The following MED16 variants were observed in gnomAD, a reference collection of about 807,000 sequenced individuals.
MED16 encodes the protein mediator complex subunit 16.
In MED16, 81 loss-of-function variants were observed where a neutral mutation model predicts 84.4. That is an observed-to-expected ratio of 0.96 (90% CI 0.80 to 1.15). The LOEUF (loss-of-function observed/expected upper bound fraction) is 1.15. MED16 is among the 50% of genes most tolerant of loss of function. The pLI, the probability that MED16 is intolerant of heterozygous loss-of-function variation, is 0.00. For missense variants in MED16, 1,585 were observed against 1,245.9 expected (o/e 1.27, Z -4.10); for synonymous variants, 897 against 552.2 (o/e 1.62, Z -8.76).
intron 12 of MED16, chr19:871,538 G>C: frequency 6.3e-7 from 1 of 1,578,254 alleles, no homozygotes; most frequent in Non-Finnish European, 8.5e-7. Context: ...ACACTGGGAT[G>C]TAAGAATGAC....
rs778530858 is a variant in MED16, at chr19:868,931, G to A, written c.2331C>T (p.Pro777=). ...GCAGCCTCCGCAGGTGGTCGATCTT[G>A]GGCTGGCCTGGGGCCCTGGCGGGAG... ...LDGLARAPGQ[P]KIDHLRRLHL... is the part of the protein sequence containing the mutation. Residue 777 remains proline (P), a synonymous_variant, in exon 14 of 16, where the codon CCC becomes CCT. Transcript: ENST00000325464. The A allele has an allele frequency of 5.2e-6, 8 of 1,544,224 alleles. No homozygotes were observed. The highest frequency in any genetic ancestry group is 6.9e-6 in the Non-Finnish European group (8 of 1,151,356).
At chr19:877,587 G>A (rs930251861) in intron 8 of MED16, among the ~76,000 whole-genome samples, 18 of 152,064 alleles carry the variant, frequency 1.2e-4, no homozygotes, top group Non-Finnish European at 2.1e-4. Flanking sequence ...AGGGGCTGGC[G>A]AGGGGCTTGC....
intron 8 of MED16, among the ~76,000 whole-genome samples, chr19:877,549 C>A (rs568942055): frequency 1.4e-4 from 21 of 151,522 alleles, no homozygotes; most frequent in Non-Finnish European, 2.7e-4. Flanking sequence ...ACAAGACGAA[C>A]CCATCACACA....
intron 4 of MED16, 85 bp downstream of exon 4, chr19:889,553 G>C: frequency 6.7e-7 from 1 of 1,496,620 alleles, no homozygotes; most frequent in East Asian, 2.3e-5. Context: ...GGGGATGCTG[G>C]TGATGGAGAG....
chr19:880,950 G>C (rs1011270729), intron 7 of MED16, among the ~76,000 whole-genome samples: 2 of 151,542 alleles, frequency 1.3e-5, no homozygotes, highest in East Asian at 3.9e-4. Flanking sequence ...AAAAAAAATA[G>C]AGCCTGGAAA....
At chr19:877,462 G>A (rs781477444) in intron 8 of MED16, among the ~76,000 whole-genome samples, 3 of 151,020 alleles carry the variant, frequency 2.0e-5, no homozygotes, top group African/African-American at 7.3e-5. Flanking sequence ...TCTACCCCGT[G>A]AAAGGCGGTC....
intron 7 of MED16, 35 bp downstream of exon 7, chr19:881,524 G>A (rs375647224): frequency 1.1e-5 from 17 of 1,589,540 alleles, no homozygotes; most frequent in African/African-American, 2.7e-5. Context: ...GGTGTGAACT[G>A]AGGCCCCGCG....
At position 885,851 on chromosome 19, in the gene MED16, G is replaced by C. The variant is rs201101329; in HGVS notation, c.798C>G (p.Arg266=). ...DTEILPSLFM[R]CTTDLNRKDK... ...CCTTGCGGTTGAGGTCGGTGGTGCAGCGCATGAACAGGGAGGGCAGGATCT... is the reference window on the plus strand; with the variant it reads ...CCTTGCGGTTGAGGTCGGTGGTGCACCGCATGAACAGGGAGGGCAGGATCT... The change falls in exon 5 of 16, where the codon CGC becomes CGG. Residue 266 remains arginine, a synonymous_variant. Coordinates refer to ENST00000325464, the MANE Select transcript of MED16 (RefSeq NM_005481.3). 106 of 1,613,822 alleles carry C rather than the reference G, an allele frequency of 6.6e-5. No homozygotes were observed. The East Asian group carries it at 2.1e-3, about 31-fold the overall frequency.
chr19:886,835 G>C (rs192692625), intron 4 of MED16, among the ~76,000 whole-genome samples: 3 of 152,176 alleles, frequency 2.0e-5, no homozygotes, highest in Non-Finnish European at 4.4e-5. Flanking sequence ...CAGCACTTTG[G>C]GGGGCTGAGG....
At chr19:876,269 G>A (rs2036226846) in intron 9 of MED16, among the ~76,000 whole-genome samples, 4 of 152,128 alleles carry the variant, frequency 2.6e-5, no homozygotes, top group Non-Finnish European at 5.9e-5. Context: ...AGGACACTCT[G>A]GGATTGCAGG....
chr19:870,387 C>A (rs959099442), intron 13 of MED16, among the ~76,000 whole-genome samples: 2 of 152,000 alleles, frequency 1.3e-5, no homozygotes, highest in African/African-American at 4.8e-5. Context: ...ATTGCAAAAC[C>A]GCCTCTATAC....
In MED16 at chr19:871,767, C is replaced by T. The variant is rs146998459; in HGVS notation, c.2098+159G>A. The T allele has an allele frequency of 1.3e-3, 212 of 165,996 alleles. 3 individuals are homozygous for T. Among genetic ancestry groups the T allele is most frequent in the African/African-American group, 0.013 (165 of 12,936 alleles). The allele number at this position is 165,996 out of a possible 1,614,324, so 10.3% of individuals were successfully genotyped here. A position where few individuals can be genotyped will look rare whatever the true frequency, so the allele number is the denominator to read the frequency against. Reference sequence around the variant, plus strand: ...TTGTGTTTTGGTAGGGAGAGGGGAGCGGGGAGAGGGGAGAGGGGAGAGCGG... The same window carrying T: ...TTGTGTTTTGGTAGGGAGAGGGGAGTGGGGAGAGGGGAGAGGGGAGAGCGG... On this transcript the variant is annotated intron_variant, in intron 12 of 15. Transcript: ENST00000325464.
At chr19:884,157 C>T (rs1164300042) in intron 6 of MED16, among the ~76,000 whole-genome samples, 1 of 152,184 alleles carries the variant, frequency 6.6e-6, no homozygotes, top group East Asian at 1.9e-4. Flanking sequence ...TCGGCAAATG[C>T]CTGTGCTCTC....
At chr19:879,792 C>CCTT in intron 8 of MED16, 145 bp downstream of exon 8, 1 of 1,037,732 alleles carries the variant, frequency 9.6e-7, no homozygotes, top group South Asian at 1.6e-5. Flanking sequence ...CAGCAGCTCG[C>CCTT]CTTCCCCTGG....
intron 1 of MED16, 124 bp from the exon 2 acceptor site, chr19:891,273 C>A: frequency 1.0e-6 from 1 of 955,852 alleles, no homozygotes; most frequent in South Asian, 1.7e-5. Flanking sequence ...TGCAAAGGCC[C>A]GGAGGCCAGA....
Position 891,101 on chromosome 19 carries a change from C to T in MED16, c.31G>A (p.Gly11Arg), listed in dbSNP as rs773289459. 3.7e-6 allele frequency: 6 copies of T among 1,613,702 alleles called. No homozygotes were observed. Among genetic ancestry groups the T allele is most frequent in the South Asian group, 3.3e-5 (3 of 91,074 alleles). The change falls in exon 2 of 16, where the codon GGG (glycine) becomes AGG (arginine). Residue 11 changes from glycine to arginine, a missense_variant. Gly to Arg is a moderately radical substitution (Grantham distance 125). Transcript: ENST00000325464. MCDLRRPAAGGMMDLAYVCEW... is the reference protein window; with the variant it reads MCDLRRPAAGRMMDLAYVCEW... ...CAGACGTAGGCCAAGTCCATCATCC[C>T]ACCTGCCGCTGGCCGCCGCAAATCA...
chr19:880,432 G>A (rs1237565330), intron 7 of MED16, among the ~76,000 whole-genome samples: 2 of 152,222 alleles, frequency 1.3e-5, no homozygotes, highest in Admixed American at 1.3e-4. Context: ...CCCTCAAGGA[G>A]CGCAGGGGAG....
At chr19:889,376 C>CT (rs2036588421) in intron 4 of MED16, among the ~76,000 whole-genome samples, 1 of 152,170 alleles carries the variant, frequency 6.6e-6, no homozygotes, top group African/African-American at 2.4e-5. Flanking sequence ...AACGGCCACC[C>CT]TCAGTTAAAT....
chr19:892,860 C>G (rs948384635), intron 1 of MED16: 2 of 150,318 alleles, frequency 1.3e-5, no homozygotes, highest in Non-Finnish European at 3.0e-5. Flanking sequence ...CCCAGGTTTC[C>G]GCCGCAAACC....
Sources: allele counts gnomAD v4.1 joint callset (sites outside exome capture counted in the v4.1 genomes callset), GRCh38; gene constraint gnomAD v4.1.1; transcripts MANE v1.5; gene names NCBI Gene and HGNC (gene_info 2026-07-23, HGNC 2026-07-21).